NTM: variants seen among roughly 807,000 people sequenced by gnomAD.
NTM encodes the protein IgLON family member 2.
NTM carries 13 observed loss-of-function variants against 42.1 expected under a neutral mutation model. That is an observed-to-expected ratio of 0.31 (90% confidence interval 0.20 to 0.49). The LOEUF (loss-of-function observed/expected upper bound fraction) is 0.49, where lower values mean the gene tolerates loss of function less well. NTM is among the 20% of genes least tolerant of loss of function. The probability of loss-of-function intolerance (pLI) is 0.99; values close to 1 mark genes in which losing one functional copy is unlikely to be tolerated. For missense variants in NTM, 373 were observed against 452.8 expected (o/e 0.82, Z 1.60); for synonymous variants, 187 against 179.2 (o/e 1.04, Z -0.35).
At chr11:131,694,908 C>G (rs2075248904) in intron 1 of NTM, among the ~76,000 whole-genome samples, 1 of 152,126 alleles carries the variant, frequency 6.6e-6, no homozygotes, top group Non-Finnish European at 1.5e-5. Context: ...CCTTGGGACT[C>G]GCTCAGCGCC....
At chr11:131,875,197 T>A (rs2048359079) in intron 1 of NTM, among the ~76,000 whole-genome samples, 1 of 152,212 alleles carries the variant, frequency 6.6e-6, no homozygotes, top group African/African-American at 2.4e-5. Flanking sequence ...CCTTCCTCAC[T>A]TAATCAAAAA....
At chr11:132,100,335 G>A (rs1301018278) in intron 2 of NTM, among the ~76,000 whole-genome samples, 1 of 152,182 alleles carries the variant, frequency 6.6e-6, no homozygotes, top group Non-Finnish European at 1.5e-5. Flanking sequence ...TCCCAGATCA[G>A]GGATTGATTT....
chr11:132,216,300 C>CTT (rs2083853501), intron 4 of NTM, among the ~76,000 whole-genome samples: 1 of 152,188 alleles, frequency 6.6e-6, no homozygotes, highest in African/African-American at 2.4e-5. Flanking sequence ...ATTGTAAGAG[C>CTT]TTTAAAGACA....
chr11:131,499,010 C>T (rs1005425595), intron 1 of NTM, among the ~76,000 whole-genome samples: 2 of 151,964 alleles, frequency 1.3e-5, no homozygotes, highest in Non-Finnish European at 2.9e-5. Flanking sequence ...GGCCAAGCAT[C>T]CCCCGGGACA....
chr11:131,561,904 C>T (rs1295139993), intron 1 of NTM, among the ~76,000 whole-genome samples: 1 of 152,192 alleles, frequency 6.6e-6, no homozygotes, highest in East Asian at 1.9e-4. Context: ...TGTCAAGAAA[C>T]AGACTGGATT....
chr11:132,329,504 G>A (rs957773460), intron 7 of NTM, among the ~76,000 whole-genome samples: 2 of 152,176 alleles, frequency 1.3e-5, no homozygotes, highest in African/African-American at 2.4e-5. Flanking sequence ...AGAGCCGCAG[G>A]CTGCCCCAGA....
chr11:132,086,456 A>G (rs560326559), intron 2 of NTM, among the ~76,000 whole-genome samples: 1 of 152,314 alleles, frequency 6.6e-6, no homozygotes, highest in East Asian at 1.9e-4. Context: ...AAATATACCT[A>G]TAACTTGGAT....
chr11:131,967,311 C>T (rs1593250763), intron 2 of NTM, among the ~76,000 whole-genome samples: 1 of 152,296 alleles, frequency 6.6e-6, no homozygotes, highest in East Asian at 1.9e-4. Flanking sequence ...TCTCAAATGC[C>T]ATACCCACAG....
chr11:131,787,889 A>G (rs1214200663), intron 1 of NTM, among the ~76,000 whole-genome samples: 1 of 152,196 alleles, frequency 6.6e-6, no homozygotes, highest in Non-Finnish European at 1.5e-5. Context: ...TTTTGCTAGG[A>G]TAGCATCCAT....
chr11:131,639,978 TAATAA>T (rs1592324432), intron 1 of NTM, among the ~76,000 whole-genome samples: 1 of 141,712 alleles, frequency 7.1e-6, no homozygotes, highest in East Asian at 1.9e-4. Flanking sequence ...TAAAAATAAA[TAATAA>T]AATAAAAATA....
intron 4 of NTM, among the ~76,000 whole-genome samples, chr11:132,286,782 C>T (rs375467447): frequency 1.3e-5 from 2 of 152,186 alleles, no homozygotes; most frequent in Non-Finnish European, 2.9e-5. Context: ...ACCTGACCAC[C>T]ATGACAATGG....
At chr11:131,796,298 G>T in intron 1 of NTM, 2 of 466,970 alleles carry the variant, frequency 4.3e-6, no homozygotes, top group Non-Finnish European at 5.6e-6. Context: ...GGCTGTGCTG[G>T]TGTCTCAGGA....
chr11:131,373,832 C>T (rs1162150956), intron 1 of NTM, among the ~76,000 whole-genome samples: 1 of 152,208 alleles, frequency 6.6e-6, no homozygotes, highest in Non-Finnish European at 1.5e-5. Context: ...CCTCACATCC[C>T]GCATCCGCTT....
At chr11:131,989,924 A>G (rs375284903) in intron 2 of NTM, among the ~76,000 whole-genome samples, 1 of 152,268 alleles carries the variant, frequency 6.6e-6, no homozygotes, top group African/African-American at 2.4e-5. Flanking sequence ...AAGCAAATCA[A>G]ATGGCCAAAA....
At chr11:132,027,833 T>G (rs1248647706) in intron 2 of NTM, among the ~76,000 whole-genome samples, 2 of 152,214 alleles carry the variant, frequency 1.3e-5, no homozygotes, top group Admixed American at 6.5e-5. Flanking sequence ...TTTTTCTGCT[T>G]CTTTCTCCCA....
At chr11:131,907,729 A>C (rs2054070734) in intron 1 of NTM, among the ~76,000 whole-genome samples, 1 of 151,526 alleles carries the variant, frequency 6.6e-6, no homozygotes, top group African/African-American at 2.5e-5. Flanking sequence ...TCTATAAAGA[A>C]CACAAATAAT....
intron 1 of NTM, among the ~76,000 whole-genome samples, chr11:131,760,026 A>C (rs1358036236): frequency 6.6e-6 from 1 of 152,216 alleles, no homozygotes; most frequent in East Asian, 1.9e-4. Flanking sequence ...CTCACCACTG[A>C]GAAATCGAGG....
chr11:132,107,160 A>G (rs2062484985), intron 2 of NTM, among the ~76,000 whole-genome samples: 1 of 152,070 alleles, frequency 6.6e-6, no homozygotes, highest in Non-Finnish European at 1.5e-5. Context: ...GCCAAAAGAA[A>G]GACGCAGAGG....
At chr11:131,739,213 G>A (rs567758588) in intron 1 of NTM, among the ~76,000 whole-genome samples, 2 of 151,218 alleles carry the variant, frequency 1.3e-5, no homozygotes, top group Middle Eastern at 3.4e-3. Flanking sequence ...AGAGTCCAGT[G>A]TTAATAGTGT....
Sources: gnomAD v4.1 joint callset for allele counts (sites outside exome capture counted in the v4.1 genomes callset) on GRCh38, gnomAD v4.1.1 for gene constraint, MANE v1.5 for transcripts, NCBI Gene and HGNC (gene_info 2026-07-23, HGNC 2026-07-21) for gene names.